The following KIF1A variants were observed in gnomAD, a reference collection of about 807,000 sequenced individuals.
KIF1A encodes kinesin family member 1A.
KIF1A carries 46 observed loss-of-function variants against 227.3 expected under a neutral mutation model. That is an observed-to-expected ratio of 0.20 (90% CI 0.16 to 0.26). KIF1A has a LOEUF of 0.26. Among genes scored for constraint, KIF1A ranks in the 10% least tolerant of loss-of-function variants. The pLI is 1.00. For synonymous variants in KIF1A, 1,022 were observed against 1,012.8 expected (o/e 1.01, Z -0.17); for missense variants, 1,683 against 2,485.9 (o/e 0.68, Z 6.87).
At chr2:240,719,954 C>G (rs960609527) in intron 45 of KIF1A, 28 bp from the exon 46 acceptor site, 2 of 1,564,858 alleles carry the variant, frequency 1.3e-6, no homozygotes, top group African/African-American at 2.7e-5. Flanking sequence ...GTGCTGCCCA[C>G]TGCAGGCCTC....
chr2:240,724,091 A>G (rs2045713949), intron 40 of KIF1A, 55 bp from the exon 41 acceptor site: 2 of 1,494,004 alleles, frequency 1.3e-6, no homozygotes, highest in South Asian at 2.3e-5. Flanking sequence ...ACAGGGACAC[A>G]CAGCCAGCCT....
intron 38 of KIF1A, among the ~76,000 whole-genome samples, chr2:240,728,613 C>T (rs953855086): frequency 6.6e-6 from 1 of 152,248 alleles, no homozygotes; most frequent in East Asian, 1.9e-4. Context: ...GCCCTGCAGA[C>T]ACCCCCTTCC....
Position 240,725,124 on chromosome 2 carries a change from A to G in KIF1A, c.4256+147T>C. On this transcript the variant is annotated intron_variant, in intron 40 of 48. Coordinates refer to ENST00000498729, the MANE Select transcript of KIF1A (RefSeq NM_001244008.2). This position sits in a 1 kb window ranked among gnomAD's most constrained non-coding sequence, Gnocchi z 5.8. Reference sequence around the variant, plus strand: ...ATCTAGGGTGAGCAGGAGGGGACTGAGCGCAGGGAGCCAGCCAGGAGTGTG... The same window carrying G: ...ATCTAGGGTGAGCAGGAGGGGACTGGGCGCAGGGAGCCAGCCAGGAGTGTG... 1.3e-6 allele frequency: 1 copy of G among 774,614 alleles called. No individual in the cohort carries two copies. The highest frequency in any genetic ancestry group is 2.1e-6 in the Non-Finnish European group (1 of 482,304). The allele number at this position is 774,614 out of a possible 1,614,324, so 48.0% of individuals were successfully genotyped here. A position where few individuals can be genotyped will look rare whatever the true frequency, so the allele number is the denominator to read the frequency against.
chr2:240,727,686 A>G (rs1270481100), intron 38 of KIF1A, among the ~76,000 whole-genome samples: 1 of 152,178 alleles, frequency 6.6e-6, no homozygotes, highest in East Asian at 1.9e-4. Flanking sequence ...GCACGGCCTG[A>G]GCCAGCCACC....
At position 240,771,010 on chromosome 2, in the gene KIF1A, C is replaced by A. The variant is rs1304347589; in HGVS notation, c.1302G>T (p.Leu434Phe). 2 of 1,612,818 alleles carry A rather than the reference C, an allele frequency of 1.2e-6. No individual in the cohort carries two copies. Among genetic ancestry groups the A allele is most frequent in the East Asian group, 4.5e-5 (2 of 44,882 alleles). Residue 434 changes from leucine to phenylalanine, a missense_variant, in exon 15 of 49, where the codon TTG (leucine) becomes TTT (phenylalanine). This residue lies in a region of KIF1A where 110 missense variants were observed against 133.1 expected (regional missense o/e 0.83). Coordinates refer to ENST00000498729, the MANE Select transcript of KIF1A (RefSeq NM_001244008.2). ...ASVSSLHERI[L>F]FAPGSEEAIE... is the part of the protein sequence containing the mutation. Reference sequence around the variant, plus strand: ...TGGCCTCCTCGCTGCCCGGGGCAAACAAGATGCGCTCGTGGAGGCTGGACA... The same window carrying A: ...TGGCCTCCTCGCTGCCCGGGGCAAAAAAGATGCGCTCGTGGAGGCTGGACA...
chr2:240,769,241 C>A (rs780577071), intron 16 of KIF1A, 33 bp from the exon 17 acceptor site: 1 of 1,578,980 alleles, frequency 6.3e-7, no homozygotes, highest in South Asian at 1.1e-5. Context: ...AGCACAAGCT[C>A]CACAAGGCTT....
intron 38 of KIF1A, among the ~76,000 whole-genome samples, chr2:240,733,946 A>G (rs2047033748): frequency 6.6e-6 from 1 of 152,362 alleles, no homozygotes; most frequent in South Asian, 2.1e-4. Flanking sequence ...GAGGCCCTCC[A>G]TCCCCAAGGT....
intron 1 of KIF1A, among the ~76,000 whole-genome samples, chr2:240,807,424 T>G (rs931452863): frequency 9.8e-5 from 15 of 152,294 alleles, no homozygotes; most frequent in African/African-American, 3.6e-4. Flanking sequence ...ATTACAGGCA[T>G]GAGCCACCGC....
chr2:240,763,234 G>A lies in KIF1A; in HGVS notation c.1881C>T (p.Asp627=). The A allele has an allele frequency of 6.2e-7, 1 of 1,613,174 alleles. No individual in the cohort carries two copies. Among genetic ancestry groups the A allele is most frequent in the Non-Finnish European group, 8.5e-7 (1 of 1,179,778 alleles). Residue 627 remains aspartate, a synonymous_variant, in exon 21 of 49, where the codon GAC becomes GAT. Transcript: ENST00000498729. ...PCAETPAEPV[D]WAFAQRELLE... ...GCAGCTCACGCTGGGCGAAGGCCCA[G>A]TCCACAGGCTCAGCTGGCGTCTCCG...
intron 2 of KIF1A, among the ~76,000 whole-genome samples, chr2:240,791,468 AG>A (rs1370411913): frequency 4.0e-5 from 2 of 49,652 alleles, no homozygotes; most frequent in South Asian, 6.3e-4. Flanking sequence ...GGCTGCACTC[AG>A]GTCGGGCTCC....
At chr2:240,783,227 T>G in intron 8 of KIF1A, 118 bp from the exon 9 acceptor site, 1 of 821,706 alleles carries the variant, frequency 1.2e-6, no homozygotes, top group Non-Finnish European at 2.1e-6. Flanking sequence ...CTGCAGCTGC[T>G]GATCTCTGGG....
intron 1 of KIF1A, among the ~76,000 whole-genome samples, chr2:240,810,547 C>T (rs2057785909): frequency 6.6e-6 from 1 of 152,152 alleles, no homozygotes; most frequent in Non-Finnish European, 1.5e-5. Context: ...GCCCCAGCAA[C>T]TCTGCAAGTA....
At position 240,726,140 on chromosome 2, in the gene KIF1A, G is replaced by A. The variant is rs1667783929; in HGVS notation, c.4122+686C>T. On this transcript the variant is annotated intron_variant, in intron 39 of 48. Transcript: ENST00000498729. This position sits in a 1 kb window ranked among gnomAD's most constrained non-coding sequence, Gnocchi z 5.2. ...TCTTGCACTTGGAAGGGAGGCCACA[G>A]CCCAGGTCTGGCCACGGCCTATGTA... 6.6e-6 allele frequency: 1 copy of A among 152,378 alleles called. No homozygotes were observed. Among genetic ancestry groups the A allele is most frequent in the African/African-American group, 2.4e-5 (1 of 41,442 alleles). The allele number at this position is 152,378 out of a possible 1,614,324, so 9.4% of individuals were successfully genotyped here.
rs766569322 is a variant in KIF1A at position 240,719,077 on chromosome 2, C to T, written c.5143G>A (p.Val1715Met). 32 of 1,612,282 alleles carry T rather than the reference C, an allele frequency of 2.0e-5. No homozygotes were observed. The highest frequency in any genetic ancestry group is 4.5e-5 in the East Asian group (2 of 44,848). Reference sequence around the variant, plus strand: ...GCCAGGTTGAGCACGAACCGCTCCACGGTGTCCTTGTCGCTGTTGTACATG... The same window carrying T: ...GCCAGGTTGAGCACGAACCGCTCCATGGTGTCCTTGTCGCTGTTGTACATG... The part of the protein sequence containing the change: ...AYMYNSDKDT[V>M]ERFVLNLATA... Residue 1715 changes from valine (V) to methionine (M), a missense_variant, in exon 47 of 49, where the codon GTG becomes ATG. Coordinates refer to ENST00000498729, the MANE Select transcript of KIF1A (RefSeq NM_001244008.2).
intron 6 of KIF1A, among the ~76,000 whole-genome samples, chr2:240,785,457 A>C (rs1477693540): frequency 6.6e-6 from 1 of 151,968 alleles, no homozygotes; most frequent in Non-Finnish European, 1.5e-5. Context: ...TCCACTGTCC[A>C]CCCTACCACG....
rs192987168 is a variant in KIF1A, at chr2:240,790,798, C to T, written c.107-1486G>A. 2.1e-3 allele frequency among the ~76,000 whole-genome samples: 321 copies of T among 152,186 alleles called. No homozygotes were observed. Among genetic ancestry groups the T allele is most frequent in the African/African-American group, 7.3e-3 (304 of 41,520 alleles). ...GAACACCAGAAGCAGCCGGCAAGCC[C>T]CAGAAGCTGGAGGGCCTGGACAGGT... On this transcript the variant is annotated intron_variant, in intron 2 of 48. Transcript: ENST00000498729. The surrounding 1 kb of genome is among the most constrained non-coding windows in gnomAD (Gnocchi z 5.0).
At chr2:240,812,973 C>T (rs1260556755) in intron 1 of KIF1A, among the ~76,000 whole-genome samples, 3 of 149,460 alleles carry the variant, frequency 2.0e-5, no homozygotes, top group East Asian at 2.0e-4. Flanking sequence ...ACCTTCACCT[C>T]GGGGATCCGC....
intron 38 of KIF1A, among the ~76,000 whole-genome samples, chr2:240,727,544 C>A (rs1483440683): frequency 6.6e-6 from 1 of 152,216 alleles, no homozygotes; most frequent in African/African-American, 2.4e-5. Flanking sequence ...AGAGGAAGGC[C>A]CCGGGGGGAG....
chr2:240,717,236 G>T lies in KIF1A; in HGVS notation c.*128C>A. 2 of 846,084 alleles carry T rather than the reference G, an allele frequency of 2.4e-6. No homozygotes were observed. Among genetic ancestry groups the T allele is most frequent in the Non-Finnish European group, 3.8e-6 (2 of 530,696 alleles). The allele number at this position is 846,084 out of a possible 1,614,324, so 52.4% of individuals were successfully genotyped here. ...ACAGGTCCCCGGGCCTGGCATGGGC[G>T]TCCCCTGGGGGGTCGACCCGGTCGT... On this transcript the variant is annotated 3_prime_UTR_variant, in exon 49 of 49. Transcript: ENST00000498729.
Sources: gnomAD v4.1 joint callset for allele counts (sites outside exome capture counted in the v4.1 genomes callset) on GRCh38, gnomAD v4.1.1 for gene constraint, gnomAD v4.1.1 regional missense constraint, Gnocchi (gnomAD v3.1) non-coding constraint, MANE v1.5 for transcripts, NCBI Gene and HGNC (gene_info 2026-07-23, HGNC 2026-07-21) for gene names.